Variants in VEGFC observed in about 807,000 individuals in gnomAD.
VEGFC encodes FLT4 ligand DHM.
Under a neutral mutation model 46.1 loss-of-function variants are expected in VEGFC, and 12 were observed. The observed-to-expected ratio is 0.26, with a 90% CI of 0.17 to 0.42. The LOEUF (loss-of-function observed/expected upper bound fraction) is 0.42. VEGFC is among the 10% of genes least tolerant of loss of function. The pLI, the probability that VEGFC is intolerant of heterozygous loss-of-function variation, is 1.00. For missense variants in VEGFC, 488 were observed against 529.4 expected (o/e 0.92, Z 0.77); for synonymous variants, 232 against 195.5 (o/e 1.19, Z -1.56).
chr4:176,792,475 C>T lies in VEGFC; in HGVS notation c.-164G>A. ...GGCGGCGGGAGCGGGTCCGGGGCTC[C>T]GCGTTCCCAACTTTGCAGGGCGCCC... On this transcript the variant is annotated 5_prime_UTR_variant, in exon 1 of 7. Transcript: ENST00000618562. The surrounding 1 kb of genome is among the most constrained non-coding windows in gnomAD (Gnocchi z 6.3). 2.1e-6 allele frequency: 1 copy of T among 471,184 alleles called. No homozygotes were observed. The highest frequency in any genetic ancestry group is 5.6e-5 in the South Asian group (1 of 17,718). 29.2% of individuals were successfully genotyped at this position (471,184 alleles called of 1,614,324 possible).
chr4:176,723,057 T>C (rs1734815342), intron 3 of VEGFC, among the ~76,000 whole-genome samples: 1 of 152,210 alleles, frequency 6.6e-6, no homozygotes, highest in African/African-American at 2.4e-5. Context: ...TTTCCAAGTT[T>C]AGATTTTACC....
chr4:176,716,584 G>GAAAAAAAAAAAAAAAAAAAAAA (rs57274087), intron 3 of VEGFC, among the ~76,000 whole-genome samples: 1 of 43,766 alleles, frequency 2.3e-5, no homozygotes, highest in African/African-American at 9.9e-5. Context: ...CTCCCTCTCC[G>GAAAAAAAAAAAAAAAAAAAAAA]AAAAAAAAAA....
chr4:176,747,954 T>G (rs992519994), intron 1 of VEGFC, among the ~76,000 whole-genome samples: 1 of 151,720 alleles, frequency 6.6e-6, no homozygotes, highest in African/African-American at 2.4e-5. Flanking sequence ...AAAATATTAT[T>G]TAAAATTTAA....
intron 1 of VEGFC, among the ~76,000 whole-genome samples, chr4:176,761,657 ATG>A (rs1192686159): frequency 6.6e-6 from 1 of 152,232 alleles, no homozygotes. Context: ...GCCCACGTGT[ATG>A]TGTCTTCTGT....
At position 176,687,813 on chromosome 4, in the gene VEGFC, C is replaced by T; in HGVS notation, c.811+8G>A. 1 of 1,595,536 alleles carries T rather than the reference C, an allele frequency of 6.3e-7. No homozygotes were observed. Among genetic ancestry groups the T allele is most frequent in the Non-Finnish European group, 8.6e-7 (1 of 1,165,944 alleles). On this transcript the variant is annotated splice_region_variant and intron_variant, in intron 5 of 6. Coordinates refer to ENST00000618562, the MANE Select transcript of VEGFC (RefSeq NM_005429.5). ...GGCGTTTAGTCTTTAAAGCATCATT[C>T]TGCTTACCATCTCCAGCATCCGAGG...
chr4:176,741,549 C>A (rs1314180582), intron 1 of VEGFC, among the ~76,000 whole-genome samples: 2 of 151,826 alleles, frequency 1.3e-5, no homozygotes, highest in Non-Finnish European at 2.9e-5. Context: ...TAATTTTAAA[C>A]GGAGTACACA....
chr4:176,708,916 T>G (rs1372968774), intron 4 of VEGFC, among the ~76,000 whole-genome samples: 5 of 152,160 alleles, frequency 3.3e-5, no homozygotes, highest in Admixed American at 6.5e-5. Flanking sequence ...CCTCTTTACA[T>G]CTTTACAGTT....
At position 176,729,622 on chromosome 4, in the gene VEGFC, T is replaced by C. The variant is rs1320801613; in HGVS notation, c.272A>G (p.Gln91Arg). The C allele has an allele frequency of 1.2e-6, 2 of 1,613,914 alleles. No homozygotes were observed. Among genetic ancestry groups the C allele is most frequent in the South Asian group, 1.1e-5 (1 of 91,086 alleles). ...GAGGTTGGCCTGTTCTCTGTTATGT[T>C]GCCAGCCTCCTTTCCTTAGCTGACA... Reference protein sequence around the residue: ...YKCQLRKGGWQHNREQANLNS... With the variant: ...YKCQLRKGGWRHNREQANLNS... Residue 91 changes from glutamine (Q) to arginine (R), a missense_variant, in exon 2 of 7, where the codon CAA (glutamine) becomes CGA (arginine). By Grantham distance (43) the Gln-to-Arg change is conservative. Transcript: ENST00000618562.
Position 176,692,786 on chromosome 4 carries a change from G to T in VEGFC, c.705-4859C>A, listed in dbSNP as rs571140853. Reference sequence around the variant, plus strand: ...AGCACGCAGCTGGAGATCTGAGAACGGGCAGACTGCTTCCTCAAGTGGGTC... The same window carrying T: ...AGCACGCAGCTGGAGATCTGAGAACTGGCAGACTGCTTCCTCAAGTGGGTC... On this transcript the variant is annotated intron_variant, in intron 4 of 6. Transcript: ENST00000618562. 7.5e-5 allele frequency among the ~76,000 whole-genome samples: 11 copies of T among 147,256 alleles called. No individual in the cohort carries two copies. In the South Asian group the frequency reaches 8.3e-4, roughly 11 times the overall value.
At chr4:176,722,713 T>C (rs1056402461) in intron 3 of VEGFC, among the ~76,000 whole-genome samples, 2 of 152,104 alleles carry the variant, frequency 1.3e-5, no homozygotes, top group Non-Finnish European at 2.9e-5. Context: ...TTGCCCAGGC[T>C]GGTCTCCAAT....
In VEGFC at chr4:176,735,959, A is replaced by G. The variant is rs544181730; in HGVS notation, c.148-6213T>C. On this transcript the variant is annotated intron_variant, in intron 1 of 6. Transcript: ENST00000618562. ...ATATCTTAAATAGCAAAGCCTTTGG[A>G]AACTAATTTGCCTTAATTGAAATAG... Among the ~76,000 whole-genome samples, 10 of 152,068 alleles carry G rather than the reference A, an allele frequency of 6.6e-5. 1 individual carries two copies. In the South Asian group the frequency reaches 2.1e-3, roughly 32 times the overall value.
chr4:176,709,790 T>A (rs147955609), intron 4 of VEGFC, among the ~76,000 whole-genome samples: 1 of 152,320 alleles, frequency 6.6e-6, no homozygotes, highest in Non-Finnish European at 1.5e-5. Flanking sequence ...CGATGCCTTT[T>A]AAAGCTTACT....
rs941790404 is a variant in VEGFC at position 176,792,417 on chromosome 4, C to T, written c.-106G>A. 9 of 904,246 alleles carry T rather than the reference C, an allele frequency of 1.0e-5. No individual in the cohort carries two copies. The highest frequency in any genetic ancestry group is 3.7e-4 in the Middle Eastern group (1 of 2,694). 56.0% of individuals were successfully genotyped at this position (904,246 alleles called of 1,614,324 possible). On this transcript the variant is annotated 5_prime_UTR_variant, in exon 1 of 7. Transcript: ENST00000618562. This position sits in a 1 kb window ranked among gnomAD's most constrained non-coding sequence, Gnocchi z 6.3. ...CCCCTCCTGGTCCCTCTCCCCCGGG[C>T]TCCTCCCGGCGACCCCCCCTGGGCG...
chr4:176,710,524 T>C (rs1048348552), intron 4 of VEGFC, among the ~76,000 whole-genome samples: 1 of 152,128 alleles, frequency 6.6e-6, no homozygotes, highest in South Asian at 2.1e-4. Context: ...CTAAGCAGAG[T>C]AGTACAACGT....
intron 1 of VEGFC, among the ~76,000 whole-genome samples, chr4:176,737,291 A>G (rs533593288): frequency 7.5e-5 from 11 of 146,256 alleles, no homozygotes; most frequent in African/African-American, 2.7e-4. Context: ...TAATATATAT[A>G]GAATATGTTT....
In VEGFC at chr4:176,740,105, T is replaced by TA. The variant is rs1166161376; in HGVS notation, c.148-10360_148-10359insT. Among the ~76,000 whole-genome samples the TA allele has an allele frequency of 3.0e-4, 38 of 125,902 alleles. 2 individuals carry two copies. The highest frequency in any genetic ancestry group is 1.1e-3 in the African/African-American group (37 of 33,792). The allele number at this position is 125,902 out of a possible 152,430, so 82.6% of individuals were successfully genotyped here. ...ATATTCTATATATTCTATACATATA[T>TA]TCTATATATATATTCTATATATAGA... On this transcript the variant is annotated intron_variant, in intron 1 of 6. Transcript: ENST00000618562.
intron 1 of VEGFC, among the ~76,000 whole-genome samples, chr4:176,748,536 A>G (rs1331109529): frequency 1.3e-5 from 2 of 152,040 alleles, no homozygotes; most frequent in Admixed American, 6.6e-5. Context: ...GGAAAGAGGA[A>G]AGGAAAGAAG....
intron 1 of VEGFC, among the ~76,000 whole-genome samples, chr4:176,766,758 G>A (rs1370579493): frequency 6.6e-6 from 1 of 152,040 alleles, no homozygotes; most frequent in East Asian, 1.9e-4. Context: ...AGAGAAATAT[G>A]CTAGGTTACC....
intron 3 of VEGFC, among the ~76,000 whole-genome samples, chr4:176,718,596 G>C (rs1245852579): frequency 6.6e-6 from 1 of 151,998 alleles, no homozygotes; most frequent in Non-Finnish European, 1.5e-5. Context: ...AAATAATGCT[G>C]CTTCTATGTA....
Sources: allele counts gnomAD v4.1 joint callset (sites outside exome capture counted in the v4.1 genomes callset), GRCh38; gene constraint gnomAD v4.1.1; non-coding constraint Gnocchi (gnomAD v3.1); transcripts MANE v1.5; gene names NCBI Gene and HGNC (gene_info 2026-07-23, HGNC 2026-07-21).